The following CUBN variants were observed in gnomAD, a reference collection of about 807,000 sequenced individuals.
CUBN encodes 460 kDa receptor.
In CUBN, 282 loss-of-function variants were observed where a neutral mutation model predicts 405.3. That is an observed-to-expected ratio of 0.70 (90% CI 0.63 to 0.77). The LOEUF (loss-of-function observed/expected upper bound fraction) is 0.77, where lower values mean the gene tolerates loss of function less well. CUBN is among the 30% of genes least tolerant of loss of function. The pLI, the probability that CUBN is intolerant of heterozygous loss-of-function variation, is 0.00. For missense variants in CUBN, 4,514 were observed against 4,475.2 expected (o/e 1.01, Z -0.25); for synonymous variants, 1,684 against 1,617.0 (o/e 1.04, Z -0.99).
Position 16,838,724 on chromosome 10 carries a change from A to C in CUBN, c.10032+1606T>G, listed in dbSNP as rs577557954. On this transcript the variant is annotated intron_variant, in intron 62 of 66. Transcript: ENST00000377833. ...CAGTGGCGCGATCTTGGCTCACTGC[A>C]ACCTCTGCTTCCCAGGTTCAAGCGA... Among the ~76,000 whole-genome samples the C allele has an allele frequency of 6.6e-5, 10 of 152,312 alleles. No homozygotes were observed. The East Asian group carries it at 1.5e-3, about 24-fold the overall frequency.
chr10:17,011,153 A>G (rs1834168436), intron 28 of CUBN, among the ~76,000 whole-genome samples: 1 of 152,206 alleles, frequency 6.6e-6, no homozygotes, highest in Admixed American at 6.5e-5. Flanking sequence ...CACAAGCACT[A>G]CATGTTCCAG....
At chr10:16,963,505 C>T (rs376065632) in intron 31 of CUBN, among the ~76,000 whole-genome samples, 5 of 152,004 alleles carry the variant, frequency 3.3e-5, no homozygotes, top group Non-Finnish European at 5.9e-5. Flanking sequence ...AAATTTCTAA[C>T]GAAATTTAAC....
intron 28 of CUBN, among the ~76,000 whole-genome samples, chr10:17,008,132 T>C (rs539326196): frequency 7.2e-4 from 109 of 151,924 alleles, no homozygotes; most frequent in African/African-American, 2.4e-3. Context: ...GCCTGGGAAA[T>C]AGAATGACAC....
At chr10:16,900,897 G>T in intron 52 of CUBN, 47 bp from the exon 53 acceptor site, 1 of 1,285,514 alleles carries the variant, frequency 7.8e-7, no homozygotes, top group Non-Finnish European at 1.1e-6. Flanking sequence ...TTTATCAACT[G>T]TTACGAAGAT....
intron 59 of CUBN, among the ~76,000 whole-genome samples, chr10:16,854,022 G>T (rs1036850189): frequency 2.6e-5 from 4 of 152,210 alleles, no homozygotes; most frequent in Admixed American, 6.5e-5. Context: ...TTTAGAAAAT[G>T]ATAGGTTCAG....
intron 66 of CUBN, among the ~76,000 whole-genome samples, chr10:16,828,478 G>C (rs939302645): frequency 6.6e-6 from 1 of 152,284 alleles, no homozygotes; most frequent in Non-Finnish European, 1.5e-5. Context: ...AACACTTTCG[G>C]AGGCCCAAGC....
chr10:16,948,356 T>C (rs1588509396), intron 35 of CUBN, 122 bp downstream of exon 35: 2 of 1,234,554 alleles, frequency 1.6e-6, no homozygotes, highest in Non-Finnish European at 2.3e-6. Flanking sequence ...AGGTAAGATT[T>C]GGCCCAGAGG....
chr10:16,955,862 T>C (rs1843048883), intron 31 of CUBN, among the ~76,000 whole-genome samples: 2 of 152,170 alleles, frequency 1.3e-5, no homozygotes, highest in Non-Finnish European at 2.9e-5. Flanking sequence ...GAGTCCAGAA[T>C]TGAAACCCTT....
At chr10:16,849,771 C>T (rs1839628319) in intron 60 of CUBN, among the ~76,000 whole-genome samples, 2 of 152,190 alleles carry the variant, frequency 1.3e-5, no homozygotes, top group South Asian at 4.1e-4. Flanking sequence ...GGACCTCTCT[C>T]TGGAGCCCTC....
At chr10:17,091,178 A>G (rs1356931104) in intron 14 of CUBN, among the ~76,000 whole-genome samples, 1 of 152,230 alleles carries the variant, frequency 6.6e-6, no homozygotes, top group Non-Finnish European at 1.5e-5. Context: ...AAGTTCAGAA[A>G]CTAACTGGAA....
chr10:16,948,665 T>C (rs892529070), intron 34 of CUBN, 59 bp from the exon 35 acceptor site: 1 of 1,602,948 alleles, frequency 6.2e-7, no homozygotes, highest in African/African-American at 1.3e-5. Context: ...GACCGCTGTT[T>C]CTAGGAAACA....
intron 52 of CUBN, 73 bp from the exon 53 acceptor site, chr10:16,900,923 C>A: frequency 9.8e-7 from 1 of 1,019,960 alleles, no homozygotes; most frequent in South Asian, 1.4e-5. Context: ...CCTTACAAAT[C>A]GTTTAATTTT....
At chr10:16,989,409 T>C (rs1260415790) in intron 29 of CUBN, among the ~76,000 whole-genome samples, 1 of 148,314 alleles carries the variant, frequency 6.7e-6, no homozygotes. Flanking sequence ...AGTGTAAGTA[T>C]ATAATATACT....
Position 16,840,884 on chromosome 10 carries a change from C to G in CUBN, c.9826+1G>C. On this transcript the variant is annotated splice_donor_variant, in intron 61 of 66. Coordinates refer to ENST00000377833, the MANE Select transcript of CUBN (RefSeq NM_001081.4). LOFTEE classifies it high-confidence loss of function. Reference sequence around the variant, plus strand: ...ATATAAAAATGCTTCTATTTACTCACTGTCCATGATGGTGTATGTAGCATT... The same window carrying G: ...ATATAAAAATGCTTCTATTTACTCAGTGTCCATGATGGTGTATGTAGCATT... 1 of 1,608,582 alleles carries G rather than the reference C, an allele frequency of 6.2e-7. No homozygotes were observed. The highest frequency in any genetic ancestry group is 8.5e-7 in the Non-Finnish European group (1 of 1,176,126).
intron 28 of CUBN, among the ~76,000 whole-genome samples, chr10:16,999,327 C>A (rs759089998): frequency 2.2e-4 from 33 of 152,186 alleles, no homozygotes; most frequent in Non-Finnish European, 4.6e-4. Context: ...ATTTTAATTT[C>A]CTGTATACAA....
intron 31 of CUBN, among the ~76,000 whole-genome samples, chr10:16,976,175 T>C (rs1833087370): frequency 6.6e-6 from 1 of 151,948 alleles, no homozygotes. Flanking sequence ...TCTCACTACA[T>C]TGCCCAGGCT....
At chr10:16,830,977 C>T (rs1440163691) in intron 65 of CUBN, among the ~76,000 whole-genome samples, 6 of 151,840 alleles carry the variant, frequency 4.0e-5, no homozygotes, top group African/African-American at 1.5e-4. Context: ...ATCTCAGCTA[C>T]TTGGGAAGCT....
chr10:16,882,820 C>T (rs190082542), intron 56 of CUBN, among the ~76,000 whole-genome samples: 45 of 152,234 alleles, frequency 3.0e-4, no homozygotes, highest in African/African-American at 1.1e-3. Context: ...TTGAGACCAG[C>T]CCGGCCAACA....
At chr10:16,840,183 T>G (rs1373917037) in intron 62 of CUBN, 147 bp downstream of exon 62, 1 of 690,454 alleles carries the variant, frequency 1.4e-6, no homozygotes, top group Admixed American at 2.2e-5. Flanking sequence ...TGTAACAAAC[T>G]TGCACATTGT....
Sources: gnomAD v4.1 joint callset for allele counts (sites outside exome capture counted in the v4.1 genomes callset) on GRCh38, gnomAD v4.1.1 for gene constraint, MANE v1.5 for transcripts, NCBI Gene and HGNC (gene_info 2026-07-23, HGNC 2026-07-21) for gene names.